The following CACNA1C variants were observed in gnomAD, a reference collection of about 807,000 sequenced individuals.
CACNA1C encodes voltage-dependent L-type calcium channel subunit alpha-1C.
A neutral mutation model predicts 229.0 loss-of-function variants in CACNA1C; 30 were observed. The ratio of observed to expected loss-of-function variants is 0.13; its 90% CI spans 0.10 to 0.18. The LOEUF is 0.18. Ranked by LOEUF, CACNA1C falls within the 10% of genes least tolerant of loss-of-function variation. The pLI is 1.00. For missense variants in CACNA1C, 1,658 were observed against 2,845.0 expected, an observed-to-expected ratio of 0.58 and a Z score of 9.49; for synonymous variants, 1,114 against 1,132.5, an observed-to-expected ratio of 0.98 and a Z score of 0.33.
chr12:2,608,596 A>G lies in CACNA1C; in HGVS notation c.3442A>G (p.Ile1148Val). 2 of 1,612,770 alleles carry G rather than the reference A, an allele frequency of 1.2e-6. No individual in the cohort carries two copies. The highest frequency in any genetic ancestry group is 1.7e-5 in the Admixed American group (1 of 59,936). Reference sequence around the variant, plus strand: ...TGTGGAGATCTCCATCTTCTTCATCATCTACATCATCATCATCGCCTTCTT... The same window carrying G: ...TGTGGAGATCTCCATCTTCTTCATCGTCTACATCATCATCATCGCCTTCTT... ...YRVEISIFFIIYIIIIAFFMM... is the reference protein window; with the variant it reads ...YRVEISIFFIVYIIIIAFFMM... Residue 1148 changes from isoleucine to valine, a missense_variant, in exon 27 of 47, where the codon ATC becomes GTC. By Grantham distance (29) the Ile-to-Val change is conservative. Around this residue, in one of 20 missense-constraint regions of CACNA1C, gnomAD observed 77 missense variants for 130.9 expected, o/e 0.59. Transcript: ENST00000399655. The surrounding 1 kb of genome is among the most constrained non-coding windows in gnomAD (Gnocchi z 4.2).
chr12:2,380,156 G>T (rs1477013103), intron 3 of CACNA1C, among the ~76,000 whole-genome samples: 37 of 152,194 alleles, frequency 2.4e-4, no homozygotes. Context: ...AAGTGGCTGG[G>T]TGTCCCTTGT....
intron 3 of CACNA1C, among the ~76,000 whole-genome samples, chr12:2,364,529 T>C (rs535837084): frequency 6.6e-6 from 1 of 152,276 alleles, no homozygotes; most frequent in African/African-American, 2.4e-5. Flanking sequence ...TTAATACCGT[T>C]CAGAAAATAG....
rs1438004681 is a variant in CACNA1C, at chr12:2,053,163, G to C, written c.-400G>C. The C allele has an allele frequency of 4.2e-5, 42 of 991,940 alleles. No homozygotes were observed. The highest frequency in any genetic ancestry group is 5.0e-5 in the Non-Finnish European group (42 of 834,656). 61.4% of individuals were successfully genotyped at this position (991,940 alleles called of 1,614,324 possible). ...CAGGAGGACTCGCTGGGAGTGGGCAGAGGCGCCTCGGCCCCTGCCGGCCCA... is the reference window on the plus strand; with the variant it reads ...CAGGAGGACTCGCTGGGAGTGGGCACAGGCGCCTCGGCCCCTGCCGGCCCA... On this transcript the variant is annotated 5_prime_UTR_variant, in exon 1 of 47. Coordinates refer to ENST00000399655, the MANE Select transcript of CACNA1C (RefSeq NM_000719.7). The surrounding 1 kb of genome is among the most constrained non-coding windows in gnomAD (Gnocchi z 5.8).
chr12:2,689,327 C>A lies in CACNA1C; in HGVS notation c.6117+548C>A, dbSNP rs2097690494. 6.6e-6 allele frequency among the ~76,000 whole-genome samples: 1 copy of A among 152,066 alleles called. No homozygotes were observed. Among genetic ancestry groups the A allele is most frequent in the Admixed American group, 6.5e-5 (1 of 15,272 alleles). On this transcript the variant is annotated intron_variant, in intron 46 of 46. Transcript: ENST00000399655. The surrounding 1 kb of genome is among the most constrained non-coding windows in gnomAD (Gnocchi z 4.2). ...GGACCTTTGACACACTGGAACAAAC[C>A]CAACAGAGGATGACCAGGATGGCAA...
At chr12:2,272,744 T>A (rs12298346) in intron 3 of CACNA1C, among the ~76,000 whole-genome samples, 9,645 of 152,240 alleles carry the variant, frequency 0.063, 595 homozygotes, top group African/African-American at 0.17. Context: ...AAAAGGGCTG[T>A]GGCCACTGCC....
intron 3 of CACNA1C, among the ~76,000 whole-genome samples, chr12:2,371,746 TA>T (rs1266026717): frequency 6.2e-5 from 8 of 129,844 alleles, no homozygotes; most frequent in African/African-American, 8.7e-5. Flanking sequence ...TTTTTTTTTT[TA>T]ATCTCGGACT....
In CACNA1C at chr12:2,665,576, C is replaced by T; in HGVS notation, c.4399-5C>T. On this transcript the variant is annotated splice_region_variant and splice_polypyrimidine_tract_variant and intron_variant, in intron 35 of 46. Transcript: ENST00000399655. This position sits in a 1 kb window ranked among gnomAD's most constrained non-coding sequence, Gnocchi z 5.9. Reference sequence around the variant, plus strand: ...CACAGCACCTCATTGTACTGTTCCCCACAGATCATCAACCTCTTTGTAGCT... The same window carrying T: ...CACAGCACCTCATTGTACTGTTCCCTACAGATCATCAACCTCTTTGTAGCT... 1 of 1,613,230 alleles carries T rather than the reference C, an allele frequency of 6.2e-7. No homozygotes were observed. Among genetic ancestry groups the T allele is most frequent in the African/African-American group, 1.3e-5 (1 of 75,016 alleles).
intron 3 of CACNA1C, among the ~76,000 whole-genome samples, chr12:2,382,727 G>A (rs2154545891): frequency 6.6e-6 from 1 of 152,308 alleles, no homozygotes; most frequent in South Asian, 2.1e-4. Context: ...ATCCCAGAAT[G>A]TATTTTGCCC....
At chr12:2,457,205 T>A (rs2099435051) in intron 4 of CACNA1C, among the ~76,000 whole-genome samples, 1 of 152,126 alleles carries the variant, frequency 6.6e-6, no homozygotes, top group Non-Finnish European at 1.5e-5. Context: ...GGAGGGGCGC[T>A]AGGATACCAT....
At chr12:2,459,101 G>A (rs1266934932) in intron 5 of CACNA1C, among the ~76,000 whole-genome samples, 1 of 147,554 alleles carries the variant, frequency 6.8e-6, no homozygotes, top group East Asian at 2.0e-4. Context: ...TCCTGCCTCA[G>A]CCTCCTGAGT....
intron 3 of CACNA1C, among the ~76,000 whole-genome samples, chr12:2,367,842 A>G (rs2097762968): frequency 6.6e-6 from 1 of 152,186 alleles, no homozygotes; most frequent in African/African-American, 2.4e-5. Flanking sequence ...TCAACTTTAG[A>G]TAATTTTTTT....
chr12:2,274,172 G>A (rs1015596598), intron 3 of CACNA1C, among the ~76,000 whole-genome samples: 1 of 152,152 alleles, frequency 6.6e-6, no homozygotes, highest in Non-Finnish European at 1.5e-5. Context: ...CGTCCTGTGG[G>A]CCCCATTTCT....
At chr12:2,544,788 A>G (rs137961984) in intron 9 of CACNA1C, among the ~76,000 whole-genome samples, 2 of 152,378 alleles carry the variant, frequency 1.3e-5, no homozygotes, top group African/African-American at 2.4e-5. Flanking sequence ...GAATATGGGC[A>G]GATGAGGCAA....
chr12:2,269,484 A>T (rs891818692), intron 3 of CACNA1C, among the ~76,000 whole-genome samples: 1 of 152,182 alleles, frequency 6.6e-6, no homozygotes, highest in Non-Finnish European at 1.5e-5. Context: ...GATAACATAG[A>T]TGTACAGTCG....
At chr12:1,994,130 A>C (rs763092256) in intron 1 of CACNA1C, among the ~76,000 whole-genome samples, 11 of 152,238 alleles carry the variant, frequency 7.2e-5, no homozygotes, top group Non-Finnish European at 1.3e-4. Flanking sequence ...AATTATACTG[A>C]GTATAAACTC....
chr12:2,097,668 G>C (rs2074783592), intron 1 of CACNA1C, among the ~76,000 whole-genome samples: 1 of 152,238 alleles, frequency 6.6e-6, no homozygotes, highest in Non-Finnish European at 1.5e-5. Flanking sequence ...GGCTCTCTGT[G>C]TGGCTGTTCC....
At chr12:2,582,673 G>A in intron 14 of CACNA1C, 149 bp from the exon 15 acceptor site, 2 of 745,214 alleles carry the variant, frequency 2.7e-6, no homozygotes, top group Admixed American at 2.4e-5. Context: ...CAGAGCCCCT[G>A]GGGAGGAGAA....
chr12:2,452,818 C>A (rs116374811), intron 4 of CACNA1C, among the ~76,000 whole-genome samples: 3,408 of 152,304 alleles, frequency 0.022, 127 homozygotes, highest in African/African-American at 0.077. Context: ...TACTTTCCTG[C>A]AGGAAATACT....
intron 29 of CACNA1C, chr12:2,612,665 G>C (rs1196735409): frequency 6.6e-6 from 1 of 152,296 alleles, no homozygotes; most frequent in Non-Finnish European, 1.5e-5. Flanking sequence ...GAATGAGGCA[G>C]GGTCAGAATT....
Sources: allele counts gnomAD v4.1 joint callset (sites outside exome capture counted in the v4.1 genomes callset), GRCh38; gene constraint gnomAD v4.1.1; regional missense constraint gnomAD v4.1.1; non-coding constraint Gnocchi (gnomAD v3.1); transcripts MANE v1.5; gene names NCBI Gene and HGNC (gene_info 2026-07-23, HGNC 2026-07-21).